The following ETS1 variants were observed in gnomAD, a reference collection of about 807,000 sequenced individuals.
The protein encoded by ETS1 is ETS proto-oncogene 1, transcription factor, also known as protein C-ets-1.
ETS1 carries 15 observed loss-of-function variants against 58.6 expected under a neutral mutation model. The observed-to-expected ratio is 0.26, with a 90% CI of 0.17 to 0.39. The LOEUF is 0.39. Ranked by LOEUF, ETS1 falls within the 10% of genes least tolerant of loss-of-function variation. The pLI, the probability that ETS1 is intolerant of heterozygous loss-of-function variation, is 1.00. For synonymous variants in ETS1, 214 were observed against 218.2 expected (o/e 0.98, Z 0.17); for missense variants, 417 against 610.5 (o/e 0.68, Z 3.34).
chr11:128,521,788 A>G lies in ETS1; in HGVS notation c.215-31212T>C. The stretch of plus-strand genomic sequence containing the variant: ...CCTCGTCCTCCAGATCCAGCTGCCA[A>G]CAGCATCCCCCGCTCCTGAAGAAAT... On this transcript the variant is annotated intron_variant, in intron 3 of 9. Transcript: ENST00000392668. 5 of 695,550 alleles carry G rather than the reference A, an allele frequency of 7.2e-6. No individual in the cohort carries two copies. In the South Asian group the frequency reaches 8.3e-5, roughly 12 times the overall value. 43.1% of individuals were successfully genotyped at this position (695,550 alleles called of 1,614,324 possible).
intron 8 of ETS1, among the ~76,000 whole-genome samples, chr11:128,465,365 C>A (rs2135412459): frequency 6.6e-6 from 1 of 152,310 alleles, no homozygotes. Context: ...CCGTAGCTTC[C>A]TCTGTTTCTA....
intron 8 of ETS1, among the ~76,000 whole-genome samples, chr11:128,473,956 G>A (rs969318842): frequency 3.9e-5 from 6 of 152,210 alleles, no homozygotes; most frequent in Non-Finnish European, 7.3e-5. Context: ...GCTGCATTCT[G>A]CTCAGTGGAA....
intron 2 of ETS1, among the ~76,000 whole-genome samples, chr11:128,561,408 C>T (rs1188948869): frequency 4.6e-5 from 7 of 152,220 alleles, no homozygotes; most frequent in Non-Finnish European, 8.8e-5. Context: ...CTGATCTTGA[C>T]TTTATTTAAA....
chr11:128,466,586 T>C (rs1862042403), intron 8 of ETS1, among the ~76,000 whole-genome samples: 1 of 152,162 alleles, frequency 6.6e-6, no homozygotes, highest in Non-Finnish European at 1.5e-5. Flanking sequence ...AGGCTGTAGA[T>C]GCCCTGCCCT....
intron 3 of ETS1, chr11:128,521,960 G>T: frequency 6.2e-7 from 1 of 1,604,682 alleles, no homozygotes; most frequent in Non-Finnish European, 8.5e-7. Flanking sequence ...CTTGATGATG[G>T]TGAGAGTCGG....
chr11:128,564,068 A>AC lies in ETS1; in HGVS notation c.70-7634_70-7633insG, dbSNP rs1555088926. ...AATGGTGAGGAACAGTTTTGGTCAG[A>AC]GGTATTTGGCCTCAGAAGGACATGG... On this transcript the variant is annotated intron_variant, in intron 2 of 9. Transcript: ENST00000392668. Among the ~76,000 whole-genome samples the AC allele has an allele frequency of 2.7e-3, 416 of 152,110 alleles. 3 individuals are homozygous for AC. The highest frequency in any genetic ancestry group is 7.8e-3 in the African/African-American group (324 of 41,472).
At position 128,461,233 on chromosome 11, in the gene ETS1, A is replaced by C. The variant is rs1183291978; in HGVS notation, c.*1128T>G. On this transcript the variant is annotated 3_prime_UTR_variant, in exon 10 of 10. Coordinates refer to ENST00000392668, the MANE Select transcript of ETS1 (RefSeq NM_001143820.2). ...AGAGTGTTAGTTTGGAACGACATGC[A>C]TTCAGGACTTATTTCTTAGGACCTG... 6.5e-6 allele frequency: 1 copy of C among 152,826 alleles called. No homozygotes were observed. Among genetic ancestry groups the C allele is most frequent in the Non-Finnish European group, 1.5e-5 (1 of 68,052 alleles). The allele number at this position is 152,826 out of a possible 1,614,324, so 9.5% of individuals were successfully genotyped here.
At chr11:128,578,852 T>G (rs1430617707) in intron 1 of ETS1, among the ~76,000 whole-genome samples, 1 of 152,234 alleles carries the variant, frequency 6.6e-6, no homozygotes, top group Admixed American at 6.5e-5. Flanking sequence ...TGTATGTATA[T>G]ATCATACTTT....
chr11:128,549,368 C>T lies in ETS1; in HGVS notation c.214+6923G>A, dbSNP rs1377762032. On this transcript the variant is annotated intron_variant, in intron 3 of 9. Transcript: ENST00000392668. The surrounding 1 kb of genome is among the most constrained non-coding windows in gnomAD (Gnocchi z 4.3). The stretch of plus-strand genomic sequence containing the variant: ...ACCCAGTGCCGCGGCCGGAGCCGAG[C>T]GGGGCCTGACGCCAGCCGGCGGCGT... Among the ~76,000 whole-genome samples the T allele has an allele frequency of 6.6e-6, 1 of 152,148 alleles. No individual in the cohort carries two copies. The highest frequency in any genetic ancestry group is 2.4e-5 in the African/African-American group (1 of 41,426).
rs374852901 is a variant in ETS1 at position 128,491,980 on chromosome 11, C to T, written c.215-1404G>A. ...ATGTTGGTACATAAATACAGCTGAA[C>T]GTAAACATCTTCTGAATTAACCTCA... On this transcript the variant is annotated intron_variant, in intron 3 of 9. Coordinates refer to ENST00000392668, the MANE Select transcript of ETS1 (RefSeq NM_001143820.2). 1.5e-4 allele frequency among the ~76,000 whole-genome samples: 23 copies of T among 152,296 alleles called. 2 individuals carry two copies. Among genetic ancestry groups the T allele is most frequent in the South Asian group, 2.1e-4 (1 of 4,828 alleles).
intron 3 of ETS1, among the ~76,000 whole-genome samples, chr11:128,543,052 G>A (rs775853043): frequency 2.0e-5 from 3 of 151,946 alleles, no homozygotes; most frequent in Non-Finnish European, 2.9e-5. Context: ...GCAAGCGACT[G>A]TAATCCCAGC....
At chr11:128,545,744 T>A (rs535114442) in intron 3 of ETS1, among the ~76,000 whole-genome samples, 1 of 152,198 alleles carries the variant, frequency 6.6e-6, no homozygotes, top group South Asian at 2.1e-4. Flanking sequence ...AGAAGCAACA[T>A]AGAAATATGC....
intron 5 of ETS1, among the ~76,000 whole-genome samples, chr11:128,488,007 A>G (rs4474445): frequency 0.31 from 46,975 of 152,098 alleles, 7,600 homozygotes; most frequent in Admixed American, 0.43. Context: ...CAAAACACCT[A>G]GCAGCTCCAT....
intron 7 of ETS1, among the ~76,000 whole-genome samples, chr11:128,482,478 A>C (rs1862512051): frequency 6.6e-6 from 1 of 152,208 alleles, no homozygotes; most frequent in Non-Finnish European, 1.5e-5. Context: ...GAGAAAAAGG[A>C]CATCAGAATT....
At chr11:128,533,300 A>G (rs1201052855) in intron 3 of ETS1, among the ~76,000 whole-genome samples, 1 of 152,226 alleles carries the variant, frequency 6.6e-6, no homozygotes, top group Admixed American at 6.5e-5. Flanking sequence ...GGAGAGTGTC[A>G]GAGAAGGACT....
intron 5 of ETS1, among the ~76,000 whole-genome samples, chr11:128,486,892 G>A (rs1862648401): frequency 6.6e-6 from 1 of 152,204 alleles, no homozygotes; most frequent in South Asian, 2.1e-4. Context: ...CCATGGCTCC[G>A]ATTCTTGTAT....
At chr11:128,553,917 G>A (rs1864273250) in intron 3 of ETS1, among the ~76,000 whole-genome samples, 1 of 152,046 alleles carries the variant, frequency 6.6e-6, no homozygotes, top group Non-Finnish European at 1.5e-5. Flanking sequence ...GGAAACTGAA[G>A]TTATAAATAG....
chr11:128,556,477 T>G, intron 2 of ETS1, 42 bp from the exon 3 acceptor site: 1 of 1,408,550 alleles, frequency 7.1e-7, no homozygotes, highest in Non-Finnish European at 9.6e-7. Flanking sequence ...AGGAGGAAAA[T>G]CTCTGTTGTT....
intron 4 of ETS1, 35 bp from the exon 5 acceptor site, chr11:128,489,525 C>T (rs751078478): frequency 1.1e-5 from 18 of 1,589,262 alleles, no homozygotes; most frequent in Middle Eastern, 2.1e-4. Flanking sequence ...TCCAGCAGGT[C>T]GGGCTTTTAA....
Sources: allele counts gnomAD v4.1 joint callset (sites outside exome capture counted in the v4.1 genomes callset), GRCh38; gene constraint gnomAD v4.1.1; non-coding constraint Gnocchi (gnomAD v3.1); transcripts MANE v1.5; gene names NCBI Gene and HGNC (gene_info 2026-07-23, HGNC 2026-07-21).